GCN1: variants seen among roughly 807,000 people sequenced by gnomAD.
GCN1 encodes the protein GCN1 activator of EIF2AK4, also known as stalled ribosome sensor GCN1.
A neutral mutation model predicts 288.4 loss-of-function variants in GCN1; 90 were observed. That is an observed-to-expected ratio of 0.31 (90% confidence interval 0.26 to 0.37). The LOEUF (loss-of-function observed/expected upper bound fraction) is 0.37. GCN1 is among the 10% of genes least tolerant of loss of function. GCN1 has a pLI of 1.00. For synonymous variants in GCN1, 1,386 were observed against 1,420.2 expected, an observed-to-expected ratio of 0.98 and a Z score of 0.54; for missense variants, 2,586 against 3,419.9, an observed-to-expected ratio of 0.76 and a Z score of 6.08.
intron 2 of GCN1, among the ~76,000 whole-genome samples, chr12:120,186,216 G>A (rs1343365840): frequency 6.6e-6 from 1 of 152,132 alleles, no homozygotes; most frequent in Non-Finnish European, 1.5e-5. Context: ...GCACGTGTCT[G>A]TAATCCCAGT....
rs955667141 is a variant in GCN1, at chr12:120,176,365, T to C, written c.839-148A>G. 1.1e-5 allele frequency: 7 copies of C among 614,164 alleles called. No individual in the cohort carries two copies. In the Admixed American group the frequency reaches 1.5e-4, roughly 13 times the overall value. The allele number at this position is 614,164 out of a possible 1,614,324, so 38.0% of individuals were successfully genotyped here. A position where few individuals can be genotyped will look rare whatever the true frequency, so the allele number is the denominator to read the frequency against. The stretch of plus-strand genomic sequence containing the variant: ...TACATGAGTAGTCCCAAAGCTCTGC[T>C]GAAAAGCTGTATACCTCCCCATCCC... On this transcript the variant is annotated intron_variant, in intron 9 of 57. Transcript: ENST00000300648.
intron 34 of GCN1, among the ~76,000 whole-genome samples, chr12:120,150,573 C>A (rs1454852560): frequency 6.7e-6 from 1 of 149,630 alleles, no homozygotes; most frequent in Non-Finnish European, 1.5e-5. Context: ...GAGTGGGACT[C>A]CATCTCAAAA....
intron 14 of GCN1, among the ~76,000 whole-genome samples, chr12:120,172,687 TG>T (rs1878348911): frequency 6.6e-6 from 1 of 152,268 alleles, no homozygotes; most frequent in East Asian, 1.9e-4. Flanking sequence ...TTTTTGTATT[TG>T]TGTAGAGACA....
In GCN1 at chr12:120,127,739, C is replaced by CT; in HGVS notation, c.*109dup. The CT allele has an allele frequency of 2.4e-6, 3 of 1,236,236 alleles. No individual in the cohort carries two copies. Among genetic ancestry groups the CT allele is most frequent in the Non-Finnish European group, 3.4e-6 (3 of 873,012 alleles). The allele number at this position is 1,236,236 out of a possible 1,614,324, so 76.6% of individuals were successfully genotyped here. A position where few individuals can be genotyped will look rare whatever the true frequency, so the allele number is the denominator to read the frequency against. On this transcript the variant is annotated 3_prime_UTR_variant, in exon 58 of 58. Transcript: ENST00000300648. ...GCTGTGGTCTATTGATATTAAAATA[C>CT]TTTCTGGGAACGCCATCTTCCAAGC...
rs543469042 is a variant in GCN1, at chr12:120,142,014, T to A, written c.5829+493A>T. On this transcript the variant is annotated intron_variant, in intron 44 of 57. Transcript: ENST00000300648. The surrounding 1 kb of genome is among the most constrained non-coding windows in gnomAD (Gnocchi z 4.9). Reference sequence around the variant, plus strand: ...CCCCAGGTGCTAGGCCCCTGCTTAGTGCACAGGAGATGCTAATAAATATTT... The same window carrying A: ...CCCCAGGTGCTAGGCCCCTGCTTAGAGCACAGGAGATGCTAATAAATATTT... Among the ~76,000 whole-genome samples, 1 of 152,210 alleles carries A rather than the reference T, an allele frequency of 6.6e-6. No individual in the cohort carries two copies. Among genetic ancestry groups the A allele is most frequent in the South Asian group, 2.1e-4 (1 of 4,834 alleles).
In GCN1 at chr12:120,149,726, G is replaced by C. The variant is rs777637861; in HGVS notation, c.4432-6C>G. On this transcript the variant is annotated splice_region_variant and splice_polypyrimidine_tract_variant and intron_variant, in intron 35 of 57. Transcript: ENST00000300648. ...TTGGCACAGTCATCTGCAGCCTCAA[G>C]GGGGGAGAAAACACATTCAGGGGCC... 1 of 1,610,198 alleles carries C rather than the reference G, an allele frequency of 6.2e-7. No homozygotes were observed. Among genetic ancestry groups the C allele is most frequent in the African/African-American group, 1.3e-5 (1 of 74,812 alleles).
In GCN1 at chr12:120,156,491, C is replaced by T. The variant is rs61750782; in HGVS notation, c.3282G>A (p.Pro1094=). 1,486 of 1,614,030 alleles carry T rather than the reference C, an allele frequency of 9.2e-4. 13 individuals carry two copies. In the African/African-American group the frequency reaches 0.018, roughly 20 times the overall value. Residue 1094 remains proline, a synonymous_variant, in exon 28 of 58, where the codon CCG becomes CCA. Coordinates refer to ENST00000300648, the MANE Select transcript of GCN1 (RefSeq NM_006836.2). The surrounding 1 kb of genome is among the most constrained non-coding windows in gnomAD (Gnocchi z 5.8). The stretch of plus-strand genomic sequence containing the variant: ...GCACGGTTTCCCGCACGCTGGCACA[C>T]GGGGACTGCAAGGCACAGAGCAGCA... ...VDVLLCALQS[P]CASVRETVLR... is the part of the protein sequence containing the mutation.
intron 7 of GCN1, among the ~76,000 whole-genome samples, 199 bp from the exon 8 acceptor site, chr12:120,177,951 C>T (rs1043892454): frequency 6.6e-6 from 1 of 152,146 alleles, no homozygotes; most frequent in Non-Finnish European, 1.5e-5. Flanking sequence ...GGGATAAAGT[C>T]CAAAGTCCTT....
At chr12:120,147,630 CT>C (rs1315451167) in intron 37 of GCN1, among the ~76,000 whole-genome samples, 1 of 152,234 alleles carries the variant, frequency 6.6e-6, no homozygotes, top group Non-Finnish European at 1.5e-5. Context: ...TATTTGTTAA[CT>C]TTTCCCTATA....
At chr12:120,131,617 T>G (rs1876827122) in intron 54 of GCN1, among the ~76,000 whole-genome samples, 2 of 152,036 alleles carry the variant, frequency 1.3e-5, no homozygotes, top group Non-Finnish European at 2.9e-5. Context: ...AATTCAGTAT[T>G]GTTTGTTTGT....
intron 26 of GCN1, 179 bp from the exon 27 acceptor site, chr12:120,157,171 T>C: frequency 7.8e-6 from 4 of 513,458 alleles, no homozygotes; most frequent in Admixed American, 3.6e-5. Flanking sequence ...CAGTCAACCA[T>C]GATCCTCAGG....
At chr12:120,151,450 G>C (rs1877551468) in intron 33 of GCN1, 59 bp from the exon 34 acceptor site, 1 of 1,583,620 alleles carries the variant, frequency 6.3e-7, no homozygotes, top group East Asian at 2.3e-5. Flanking sequence ...CATGGTTGGT[G>C]GGGGGTCTGA....
intron 37 of GCN1, 122 bp downstream of exon 37, chr12:120,148,045 T>G: frequency 1.5e-6 from 1 of 682,134 alleles, no homozygotes; most frequent in South Asian, 1.9e-5. Flanking sequence ...CCTATTTCAC[T>G]GTGAACATAT....
chr12:120,160,131 T>A lies in GCN1; in HGVS notation c.2550+11A>T, dbSNP rs935253814. 3.1e-6 allele frequency: 5 copies of A among 1,602,084 alleles called. No homozygotes were observed. In the African/African-American group the frequency reaches 6.7e-5, roughly 21 times the overall value. ...TTCCGGCTTGAGCATGTGGCGGAGGTGGCCACTCACCTCCTGCAGCCGCCT... is the reference window on the plus strand; with the variant it reads ...TTCCGGCTTGAGCATGTGGCGGAGGAGGCCACTCACCTCCTGCAGCCGCCT... On this transcript the variant is annotated intron_variant, in intron 23 of 57. Coordinates refer to ENST00000300648, the MANE Select transcript of GCN1 (RefSeq NM_006836.2).
chr12:120,173,581 C>T, intron 14 of GCN1, 72 bp downstream of exon 14: 1 of 843,946 alleles, frequency 1.2e-6, no homozygotes, highest in Non-Finnish European at 1.9e-6. Flanking sequence ...AAAGCGGGAA[C>T]ACTAACAATA....
chr12:120,172,394 G>A (rs1057129562), intron 14 of GCN1, among the ~76,000 whole-genome samples: 1 of 152,142 alleles, frequency 6.6e-6, no homozygotes, highest in African/African-American at 2.4e-5. Flanking sequence ...ATCTCTTATG[G>A]TCAGATTCTT....
rs746354954 is a variant in GCN1 at position 120,140,863 on chromosome 12, T to C, written c.5990A>G (p.Asp1997Gly). ...LSEIMKSTSR[D>G]AVLYFSESLV... ...GGATCCTTGGAAGATACTCACGGCA[T>C]CCCGGCTGGTGGACTTCATGATCTC... Residue 1997 changes from aspartate (D) to glycine (G), a missense_variant, in exon 45 of 58, where the codon GAT becomes GGT. By Grantham distance (94) the Asp-to-Gly change is moderately conservative. Coordinates refer to ENST00000300648, the MANE Select transcript of GCN1 (RefSeq NM_006836.2). The C allele has an allele frequency of 6.2e-7, 1 of 1,613,400 alleles. No individual in the cohort carries two copies. The highest frequency in any genetic ancestry group is 1.7e-5 in the Admixed American group (1 of 59,960).
chr12:120,132,019 T>G lies in GCN1; in HGVS notation c.7321A>C (p.Asn2441His). 6.3e-7 allele frequency: 1 copy of G among 1,585,088 alleles called. No homozygotes were observed. Reference protein sequence around the residue: ...LLSMLGHDEDNTRISSAGCLG... With the variant: ...LLSMLGHDEDHTRISSAGCLG... ...CACCCGGCTGAGGAGATGCGAGTGT[T>G]GTCCTGACAGGGAAGAGAAGGGAGT... Residue 2441 changes from asparagine (N) to histidine (H), a missense_variant, in exon 54 of 58, where the codon AAC becomes CAC. Physicochemically the swap from Asn to His is moderately conservative, Grantham distance 68. This residue lies in a region of GCN1 where 355 missense variants were observed against 431.1 expected (regional missense o/e 0.82). Coordinates refer to ENST00000300648, the MANE Select transcript of GCN1 (RefSeq NM_006836.2).
chr12:120,170,838 T>C (rs1878290743), intron 14 of GCN1, among the ~76,000 whole-genome samples: 1 of 151,168 alleles, frequency 6.6e-6, no homozygotes, highest in Admixed American at 6.6e-5. Flanking sequence ...TGGGTCCAAA[T>C]CTGCTGACCT....
Sources: allele counts gnomAD v4.1 joint callset (sites outside exome capture counted in the v4.1 genomes callset), GRCh38; gene constraint gnomAD v4.1.1; regional missense constraint gnomAD v4.1.1; non-coding constraint Gnocchi (gnomAD v3.1); transcripts MANE v1.5; gene names NCBI Gene and HGNC (gene_info 2026-07-23, HGNC 2026-07-21).